Variants in FSTL1 observed in about 807,000 individuals in gnomAD.
FSTL1 encodes the protein follistatin like 1.
Under a neutral mutation model 45.9 loss-of-function variants are expected in FSTL1, and 24 were observed. The observed-to-expected ratio is 0.52, with a 90% CI of 0.38 to 0.74. FSTL1 has a LOEUF of 0.74. Among genes scored for constraint, FSTL1 ranks in the 30% least tolerant of loss-of-function variants. The pLI, the probability that FSTL1 is intolerant of heterozygous loss-of-function variation, is 0.00. For missense variants in FSTL1, 340 were observed against 381.8 expected, an observed-to-expected ratio of 0.89 and a Z score of 0.91; for synonymous variants, 120 against 137.6, an observed-to-expected ratio of 0.87 and a Z score of 0.89.
chr3:120,397,782 T>C (rs1453786966), intron 10 of FSTL1, among the ~76,000 whole-genome samples: 1 of 152,198 alleles, frequency 6.6e-6, no homozygotes, highest in African/African-American at 2.4e-5. Context: ...TGACAACATG[T>C]GTCCACACAA....
Position 120,445,015 on chromosome 3 carries a change from T to C in FSTL1, c.63+5669A>G, listed in dbSNP as rs867276394. On this transcript the variant is annotated intron_variant, in intron 2 of 10. Coordinates refer to ENST00000295633, the MANE Select transcript of FSTL1 (RefSeq NM_007085.5). ...CATAAATAACATGACTGACATCTTA[T>C]GTAGAGTCCTTTCAAAAGTAATAAT... Among the ~76,000 whole-genome samples, 3 of 149,808 alleles carry C rather than the reference T, an allele frequency of 2.0e-5. 1 individual carries two copies. The highest frequency in any genetic ancestry group is 7.7e-5 in the African/African-American group (3 of 39,154).
At chr3:120,447,767 G>A (rs1180989837) in intron 2 of FSTL1, among the ~76,000 whole-genome samples, 1 of 152,172 alleles carries the variant, frequency 6.6e-6, no homozygotes, top group Non-Finnish European at 1.5e-5. Context: ...TCCTGCTTCA[G>A]CCTCCTGAGT....
intron 2 of FSTL1, among the ~76,000 whole-genome samples, chr3:120,430,248 C>A (rs1937453589): frequency 6.6e-6 from 1 of 152,192 alleles, no homozygotes; most frequent in African/African-American, 2.4e-5. Flanking sequence ...GGAATCACAG[C>A]CATCTGGTAG....
chr3:120,441,098 T>C lies in FSTL1; in HGVS notation c.63+9586A>G, dbSNP rs1018504646. Among the ~76,000 whole-genome samples the C allele has an allele frequency of 5.3e-5, 8 of 152,346 alleles. No individual in the cohort carries two copies. In the Middle Eastern group the frequency reaches 0.01, roughly 194 times the overall value. ...CTTCTTACCCTGTCTTTGAGAGTAA[T>C]TGGCACTTATTTTTGAAATAATGAA... On this transcript the variant is annotated intron_variant, in intron 2 of 10. Coordinates refer to ENST00000295633, the MANE Select transcript of FSTL1 (RefSeq NM_007085.5).
At position 120,405,824 on chromosome 3, in the gene FSTL1, G is replaced by A. The variant is rs553678829; in HGVS notation, c.463-853C>T. Among the ~76,000 whole-genome samples, 11 of 152,342 alleles carry A rather than the reference G, an allele frequency of 7.2e-5. No homozygotes were observed. The South Asian group carries it at 1.7e-3, about 23-fold the overall frequency. ...CAGGCACTAGCTGCAGGAGGAGGGT[G>A]TCAAATCAAGACTGATCAAATTCCA... On this transcript the variant is annotated intron_variant, in intron 6 of 10. Transcript: ENST00000295633.
At chr3:120,418,646 G>A (rs549213858) in intron 2 of FSTL1, among the ~76,000 whole-genome samples, 2 of 152,314 alleles carry the variant, frequency 1.3e-5, no homozygotes, top group South Asian at 4.1e-4. Flanking sequence ...GAGAATGTGC[G>A]TTAAGAGTGC....
chr3:120,430,856 A>G (rs1015156926), intron 2 of FSTL1, among the ~76,000 whole-genome samples: 5 of 152,218 alleles, frequency 3.3e-5, no homozygotes, highest in African/African-American at 1.2e-4. Context: ...GAACAACACA[A>G]TCTAATAAGA....
chr3:120,433,542 T>C (rs1229151991), intron 2 of FSTL1, among the ~76,000 whole-genome samples: 2 of 152,234 alleles, frequency 1.3e-5, no homozygotes, highest in East Asian at 3.8e-4. Flanking sequence ...CAACTGGTTC[T>C]AGGTATTAGA....
chr3:120,399,280 C>G (rs1234334354), intron 10 of FSTL1, among the ~76,000 whole-genome samples: 1 of 152,170 alleles, frequency 6.6e-6, no homozygotes, highest in Non-Finnish European at 1.5e-5. Flanking sequence ...ACCCTTTCCC[C>G]AAGGAAGCCT....
At chr3:120,450,258 C>T (rs1215365629) in intron 2 of FSTL1, among the ~76,000 whole-genome samples, 1 of 152,146 alleles carries the variant, frequency 6.6e-6, no homozygotes, top group African/African-American at 2.4e-5. Flanking sequence ...TAATTTTGCC[C>T]CAAAAGAAGA....
intron 9 of FSTL1, 33 bp downstream of exon 9, chr3:120,402,774 GC>G: frequency 1.7e-6 from 2 of 1,210,606 alleles, no homozygotes; most frequent in Non-Finnish European, 2.5e-6. Flanking sequence ...CTCTCTCCTT[GC>G]TGTTTTTTCT....
At chr3:120,398,614 A>T (rs764394620) in intron 10 of FSTL1, among the ~76,000 whole-genome samples, 14 of 152,218 alleles carry the variant, frequency 9.2e-5, no homozygotes, top group Non-Finnish European at 1.3e-4. Context: ...GCCTGAATAC[A>T]CACTCTTCAT....
intron 2 of FSTL1, among the ~76,000 whole-genome samples, chr3:120,431,016 T>C (rs373114859): frequency 4.8e-4 from 73 of 152,332 alleles, no homozygotes; most frequent in African/African-American, 1.3e-3. Context: ...CTATTGCCCA[T>C]GCTGGAGTGC....
chr3:120,412,050 CATACATGCACACACACACACA>C, intron 3 of FSTL1, 67 bp from the exon 4 acceptor site: 1 of 633,296 alleles, frequency 1.6e-6, no homozygotes, highest in South Asian at 2.7e-5. Flanking sequence ...CACACACACA[CATACATGCACACACACACACA>C]GAGCCATTTT....
At chr3:120,412,057 G>A (rs1196715536) in intron 3 of FSTL1, 74 bp from the exon 4 acceptor site, 25 of 545,182 alleles carry the variant, frequency 4.6e-5, no homozygotes, top group East Asian at 4.1e-4. Context: ...ACACATACAT[G>A]CACACACACA....
At chr3:120,448,511 T>G (rs80191079) in intron 2 of FSTL1, among the ~76,000 whole-genome samples, 2,215 of 152,342 alleles carry the variant, frequency 0.015, 33 homozygotes, top group South Asian at 0.067. Flanking sequence ...ACCAGGAGGT[T>G]GGAATAATTA....
At position 120,403,284 on chromosome 3, in the gene FSTL1, A is replaced by T. The variant is rs200530287; in HGVS notation, c.652T>A (p.Phe218Ile). ...AAAGATGGGTTGAGGCACTTGAGAAACTCTTGGAAGCTGAGTTTCCAATCA... is the reference window on the plus strand; with the variant it reads ...AAAGATGGGTTGAGGCACTTGAGAATCTCTTGGAAGCTGAGTTTCCAATCA... ...NADWKLSFQE[F>I]LKCLNPSFNP... Residue 218 changes from phenylalanine to isoleucine, a missense_variant, in exon 8 of 11, where the codon TTT (phenylalanine) becomes ATT (isoleucine). Physicochemically the swap from Phe to Ile is conservative, Grantham distance 21 (BLOSUM62 0). Transcript: ENST00000295633. 2.2e-5 allele frequency: 35 copies of T among 1,611,724 alleles called. No homozygotes were observed. In the Admixed American group the frequency reaches 4.2e-4, roughly 19 times the overall value.
At chr3:120,415,726 C>T (rs1937176010) in intron 3 of FSTL1, 197 bp downstream of exon 3, 2 of 493,284 alleles carry the variant, frequency 4.1e-6, no homozygotes, top group Non-Finnish European at 7.2e-6. Context: ...TCTTATAAAG[C>T]TAAATTTTTT....
chr3:120,402,806 A>C lies in FSTL1; in HGVS notation c.805+2T>G. On this transcript the variant is annotated splice_donor_variant, in intron 9 of 10. Transcript: ENST00000295633. LOFTEE classifies it high-confidence loss of function. Reference sequence around the variant, plus strand: ...TTTCTTTCTGCTTGAAGCACAGCTCACCGTCACAGGTCATGGCTGTACAGA... The same window carrying C: ...TTTCTTTCTGCTTGAAGCACAGCTCCCCGTCACAGGTCATGGCTGTACAGA... The C allele has an allele frequency of 6.5e-7, 1 of 1,532,124 alleles. No individual in the cohort carries two copies. The highest frequency in any genetic ancestry group is 9.0e-7 in the Non-Finnish European group (1 of 1,105,150). 94.9% of individuals were successfully genotyped at this position (1,532,124 alleles called of 1,614,324 possible). A position where few individuals can be genotyped will look rare whatever the true frequency, so the allele number is the denominator to read the frequency against.
Sources: gnomAD v4.1 joint callset for allele counts (sites outside exome capture counted in the v4.1 genomes callset) on GRCh38, gnomAD v4.1.1 for gene constraint, MANE v1.5 for transcripts, NCBI Gene and HGNC (gene_info 2026-07-23, HGNC 2026-07-21) for gene names.